Variants in CD46 observed in about 807,000 individuals in gnomAD.
CD46 encodes the protein membrane cofactor protein.
CD46 carries 30 observed loss-of-function variants against 53.3 expected under a neutral mutation model. That is an observed-to-expected ratio of 0.56 (90% CI 0.42 to 0.76). The LOEUF is 0.76. Ranked by LOEUF, CD46 falls within the 30% of genes least tolerant of loss-of-function variation. The pLI is 0.00. For synonymous variants in CD46, 142 were observed against 152.0 expected, an observed-to-expected ratio of 0.93 and a Z score of 0.48; for missense variants, 409 against 463.0, an observed-to-expected ratio of 0.88 and a Z score of 1.07.
At position 207,752,140 on chromosome 1, in the gene CD46, G is replaced by T. The variant is rs988158496; in HGVS notation, c.-73G>T. 7.3e-6 allele frequency: 10 copies of T among 1,365,932 alleles called. No individual in the cohort carries two copies. Among genetic ancestry groups the T allele is most frequent in the Non-Finnish European group, 1.0e-5 (10 of 961,706 alleles). 84.6% of individuals were successfully genotyped at this position (1,365,932 alleles called of 1,614,324 possible). ...GCGTCCCATATCTGGACCCAGAAGG[G>T]ACTTCCCTGCTCGGCTGGCTCTCGG... On this transcript the variant is annotated 5_prime_UTR_variant, in exon 1 of 13. Transcript: ENST00000367042. This position sits in a 1 kb window ranked among gnomAD's most constrained non-coding sequence, Gnocchi z 4.1.
Position 207,779,913 on chromosome 1 carries a change from C to CTTTTTTTTTTTT in CD46, c.944-3371_944-3360dup, listed in dbSNP as rs66758503. Reference sequence around the variant, plus strand: ...TTCTATTCTTGTAGCAAAAGCAAGTCTTTTTTTTTTTTTTTTTTTACTGTA... The same window carrying CTTTTTTTTTTTT: ...TTCTATTCTTGTAGCAAAAGCAAGTCTTTTTTTTTTTTTTTTTTTTTTTTTTTTTTTACTGTA... On this transcript the variant is annotated intron_variant, in intron 8 of 12. Coordinates refer to ENST00000367042, the MANE Select transcript of CD46 (RefSeq NM_172351.3). Among the ~76,000 whole-genome samples, 98 of 62,380 alleles carry CTTTTTTTTTTTT rather than the reference C, an allele frequency of 1.6e-3. 13 individuals carry two copies. The highest frequency in any genetic ancestry group is 4.9e-3 in the African/African-American group (77 of 15,830). The allele number at this position is 62,380 out of a possible 152,430, so 40.9% of individuals were successfully genotyped here.
chr1:207,791,306 A>G (rs1659780770), intron 12 of CD46, among the ~76,000 whole-genome samples: 1 of 152,204 alleles, frequency 6.6e-6, no homozygotes. Context: ...TTCAATTTAT[A>G]AATTAGGCAC....
Position 207,757,194 on chromosome 1 carries a change from C to T in CD46, c.278C>T (p.Ala93Val). ...NHTWLPVSDD[A>V]CYRETCPYIR... ...ACATGGCTACCTGTCTCAGATGACG[C>T]CTGTTATAGTAAGTAAACAAACCTC... Residue 93 changes from alanine to valine, a missense_variant, in exon 2 of 13, where the codon GCC becomes GTC. Transcript: ENST00000367042. 6.2e-7 allele frequency: 1 copy of T among 1,613,018 alleles called. No homozygotes were observed. Among genetic ancestry groups the T allele is most frequent in the Non-Finnish European group, 8.5e-7 (1 of 1,179,536 alleles).
Position 207,783,211 on chromosome 1 carries a change from T to G in CD46, c.944-81T>G, listed in dbSNP as rs986901214. On this transcript the variant is annotated intron_variant, in intron 8 of 12. Transcript: ENST00000367042. ...ACAAAGGTGAAAAAAAATCACCCTA[T>G]GAGTTTAAAGGATTTTAAGCTTTAT... The G allele has an allele frequency of 1.9e-5, 14 of 756,682 alleles. 1 individual carries two copies. Among genetic ancestry groups the G allele is most frequent in the South Asian group, 5.1e-5 (3 of 59,084 alleles). 46.9% of individuals were successfully genotyped at this position (756,682 alleles called of 1,614,324 possible). A position where few individuals can be genotyped will look rare whatever the true frequency, so the allele number is the denominator to read the frequency against.
intron 8 of CD46, among the ~76,000 whole-genome samples, chr1:207,771,891 G>A (rs1353237438): frequency 6.6e-6 from 1 of 152,032 alleles, no homozygotes; most frequent in Non-Finnish European, 1.5e-5. Context: ...CTCTTTTTTG[G>A]TTCCATATGA....
intron 3 of CD46, 138 bp from the exon 4 acceptor site, chr1:207,759,501 T>C: frequency 1.6e-6 from 1 of 612,850 alleles, no homozygotes; most frequent in Non-Finnish European, 3.0e-6. Flanking sequence ...GCACTTTCGT[T>C]ATATAGTATG....
intron 5 of CD46, among the ~76,000 whole-genome samples, chr1:207,764,614 CAAA>C (rs1656639196): frequency 6.6e-6 from 1 of 152,042 alleles, no homozygotes; most frequent in African/African-American, 2.4e-5. Context: ...AACAGACAAA[CAAA>C]AGAATGAAAA....
Position 207,793,527 on chromosome 1 carries a change from A to T in CD46, c.*50A>T. 1 of 1,613,384 alleles carries T rather than the reference A, an allele frequency of 6.2e-7. No homozygotes were observed. Among genetic ancestry groups the T allele is most frequent in the Non-Finnish European group, 8.5e-7 (1 of 1,179,314 alleles). On this transcript the variant is annotated 3_prime_UTR_variant, in exon 13 of 13. Coordinates refer to ENST00000367042, the MANE Select transcript of CD46 (RefSeq NM_172351.3). ...TATACCTTGGTTTGCAGGAAAGCAG[A>T]TGGTGGAGCTGAATATGCCACTTAC...
Position 207,785,255 on chromosome 1 carries a change from T to G in CD46, c.1018+149T>G, listed in dbSNP as rs1286471982. ...AAACCTGACTTTTTATTTGATATAC[T>G]TAACTACCTACCTTGTGTTAGTGAT... On this transcript the variant is annotated intron_variant, in intron 10 of 12. Coordinates refer to ENST00000367042, the MANE Select transcript of CD46 (RefSeq NM_172351.3). The G allele has an allele frequency of 5.9e-6, 4 of 680,040 alleles. No individual in the cohort carries two copies. The Admixed American group carries it at 6.9e-5, about 12-fold the overall frequency. The allele number at this position is 680,040 out of a possible 1,614,324, so 42.1% of individuals were successfully genotyped here.
intron 8 of CD46, among the ~76,000 whole-genome samples, chr1:207,773,675 G>T (rs1340057897): frequency 6.6e-6 from 1 of 152,158 alleles, no homozygotes; most frequent in Non-Finnish European, 1.5e-5. Flanking sequence ...TCAAGAGCAG[G>T]TTGTTCAGTT....
intron 10 of CD46, among the ~76,000 whole-genome samples, 177 bp from the exon 11 acceptor site, chr1:207,785,442 G>A (rs913396486): frequency 2.6e-5 from 4 of 152,198 alleles, no homozygotes; most frequent in African/African-American, 4.8e-5. Context: ...GACTGTGTAA[G>A]TGATTATGGG....
chr1:207,783,531 C>T (rs926838667), intron 9 of CD46: 50 of 443,794 alleles, frequency 1.1e-4, no homozygotes, highest in African/African-American at 7.2e-4. Context: ...GGTAATCTGT[C>T]GATAAATTTT....
chr1:207,757,816 A>G (rs1655735233), intron 3 of CD46, among the ~76,000 whole-genome samples, 174 bp downstream of exon 3: 1 of 152,244 alleles, frequency 6.6e-6, no homozygotes, highest in Admixed American at 6.5e-5. Flanking sequence ...AGTAAATAGA[A>G]AGTAATTGAT....
chr1:207,759,490 A>G, intron 3 of CD46, 149 bp from the exon 4 acceptor site: 1 of 596,370 alleles, frequency 1.7e-6, no homozygotes, highest in Non-Finnish European at 3.0e-6. Flanking sequence ...AGATTTATTT[A>G]GCACTTTCGT....
chr1:207,787,609 A>G (rs1659389322), intron 11 of CD46, among the ~76,000 whole-genome samples: 1 of 152,224 alleles, frequency 6.6e-6, no homozygotes. Flanking sequence ...ATAGTAGCAC[A>G]ACTTGAGGAA....
intron 8 of CD46, among the ~76,000 whole-genome samples, chr1:207,780,593 G>A (rs901673989): frequency 3.9e-5 from 6 of 152,046 alleles, no homozygotes; most frequent in Admixed American, 3.9e-4. Context: ...TAGATCATAA[G>A]GGAATTCTAT....
At chr1:207,785,165 T>G in intron 10 of CD46, 59 bp downstream of exon 10, 1 of 1,303,204 alleles carries the variant, frequency 7.7e-7, no homozygotes, top group Non-Finnish European at 1.1e-6. Context: ...AGACATGCAT[T>G]TTAAAAATAG....
chr1:207,754,534 G>A (rs1375221526), intron 1 of CD46, among the ~76,000 whole-genome samples: 1 of 152,122 alleles, frequency 6.6e-6, no homozygotes, highest in East Asian at 1.9e-4. Flanking sequence ...GGTTCCAAAA[G>A]CCCGATTTGT....
chr1:207,788,378 A>G (rs1484560712), intron 11 of CD46, among the ~76,000 whole-genome samples: 1 of 150,728 alleles, frequency 6.6e-6, no homozygotes, highest in Non-Finnish European at 1.5e-5. Flanking sequence ...AAAAAAAAAA[A>G]ATAGTGGCGG....
Sources: allele counts gnomAD v4.1 joint callset (sites outside exome capture counted in the v4.1 genomes callset), GRCh38; gene constraint gnomAD v4.1.1; non-coding constraint Gnocchi (gnomAD v3.1); transcripts MANE v1.5; gene names NCBI Gene and HGNC (gene_info 2026-07-23, HGNC 2026-07-21).